Variants in SGCZ observed in about 807,000 individuals in gnomAD.
SGCZ encodes the protein sarcoglycan zeta, also known as zeta-sarcoglycan.
Under a neutral mutation model 41.3 loss-of-function variants are expected in SGCZ, and 40 were observed. That is an observed-to-expected ratio of 0.97 (90% confidence interval 0.75 to 1.26). SGCZ has a LOEUF of 1.26. Among genes scored for constraint, SGCZ ranks in the 50% most tolerant of loss-of-function variants. SGCZ has a pLI of 0.00. For missense variants in SGCZ, 552 were observed against 369.8 expected (o/e 1.49, Z -4.04); for synonymous variants, 206 against 137.5 (o/e 1.50, Z -3.49).
chr8:14,543,739 C>A (rs1391331756), intron 2 of SGCZ, among the ~76,000 whole-genome samples: 1 of 152,068 alleles, frequency 6.6e-6, no homozygotes, highest in Non-Finnish European at 1.5e-5. Context: ...ATTATCACCT[C>A]TCTATAAAAT....
chr8:14,760,445 A>AT (rs1799830791), intron 1 of SGCZ, among the ~76,000 whole-genome samples: 1 of 152,222 alleles, frequency 6.6e-6, no homozygotes, highest in Non-Finnish European at 1.5e-5. Flanking sequence ...ATTGGGGGAA[A>AT]ATATATATCT....
intron 2 of SGCZ, among the ~76,000 whole-genome samples, chr8:14,327,177 T>G (rs1802151314): frequency 6.6e-6 from 1 of 152,192 alleles, no homozygotes; most frequent in Non-Finnish European, 1.5e-5. Context: ...AAGACAGGTT[T>G]ATCACCAGAA....
intron 5 of SGCZ, among the ~76,000 whole-genome samples, chr8:14,141,694 A>T (rs1056644413): frequency 6.6e-6 from 1 of 152,240 alleles, no homozygotes; most frequent in Non-Finnish European, 1.5e-5. Context: ...GTGGAGAAAT[A>T]GGAACACTTT....
chr8:14,122,406 A>C (rs978914473), intron 5 of SGCZ, among the ~76,000 whole-genome samples: 2 of 152,186 alleles, frequency 1.3e-5, no homozygotes, highest in Non-Finnish European at 2.9e-5. Context: ...TTGAACAAAT[A>C]ATTCAATTTC....
intron 4 of SGCZ, among the ~76,000 whole-genome samples, chr8:14,187,588 A>C (rs1416718079): frequency 6.6e-6 from 1 of 152,128 alleles, no homozygotes; most frequent in African/African-American, 2.4e-5. Context: ...AAAATCACTA[A>C]AGTGTTCCAC....
intron 7 of SGCZ, among the ~76,000 whole-genome samples, chr8:14,101,886 T>TTTTG (rs577534887): frequency 0.015 from 2,213 of 151,642 alleles, 21 homozygotes; most frequent in Middle Eastern, 0.037. Flanking sequence ...AAATATGTAC[T>TTTTG]TTTGTTTGTT....
intron 1 of SGCZ, among the ~76,000 whole-genome samples, chr8:15,138,042 C>T (rs2116989429): frequency 6.6e-6 from 1 of 152,278 alleles, no homozygotes; most frequent in South Asian, 2.1e-4. Flanking sequence ...GGCAGAGCTA[C>T]CCAAGGCCAT....
At chr8:14,851,144 C>A (rs1222756561) in intron 1 of SGCZ, among the ~76,000 whole-genome samples, 27 of 151,878 alleles carry the variant, frequency 1.8e-4, no homozygotes. Flanking sequence ...CCAAGGCGGG[C>A]GGATCACGAG....
intron 3 of SGCZ, among the ~76,000 whole-genome samples, chr8:14,257,925 G>C (rs147472487): frequency 0.039 from 5,880 of 152,084 alleles, 157 homozygotes; most frequent in South Asian, 0.065. Flanking sequence ...TAGATATATA[G>C]ACATATCTAC....
chr8:14,209,387 G>A (rs1805722865), intron 4 of SGCZ, among the ~76,000 whole-genome samples: 1 of 151,784 alleles, frequency 6.6e-6, no homozygotes, highest in African/African-American at 2.4e-5. Context: ...CACTCCTTGT[G>A]TGTGTTTTCC....
chr8:14,697,827 C>T (rs1257681768), intron 1 of SGCZ, among the ~76,000 whole-genome samples: 1 of 151,938 alleles, frequency 6.6e-6, no homozygotes, highest in African/African-American at 2.4e-5. Context: ...CAATACTATT[C>T]CCTTAATTCT....
chr8:14,199,629 G>C (rs184791593), intron 4 of SGCZ, among the ~76,000 whole-genome samples: 3 of 152,094 alleles, frequency 2.0e-5, no homozygotes, highest in African/African-American at 7.2e-5. Flanking sequence ...GTCTCCCCCG[G>C]ACACGCAGCT....
chr8:15,087,781 C>A lies in SGCZ; in HGVS notation c.39+149804G>T, dbSNP rs186408074. Among the ~76,000 whole-genome samples the A allele has an allele frequency of 5.9e-5, 9 of 152,138 alleles. No individual in the cohort carries two copies. In the East Asian group the frequency reaches 1.7e-3, roughly 29 times the overall value. On this transcript the variant is annotated intron_variant, in intron 1 of 7. Coordinates refer to ENST00000382080, the MANE Select transcript of SGCZ (RefSeq NM_139167.4). ...TCAAAGAATGAAACAAGAGTCAACTCCTTAAGTTTACTCATAGTATGAAGA... is the reference window on the plus strand; with the variant it reads ...TCAAAGAATGAAACAAGAGTCAACTACTTAAGTTTACTCATAGTATGAAGA...
intron 7 of SGCZ, among the ~76,000 whole-genome samples, chr8:14,094,132 C>A (rs1235858889): frequency 6.6e-6 from 1 of 151,898 alleles, no homozygotes; most frequent in East Asian, 1.9e-4. Flanking sequence ...ATAGAAAAAC[C>A]CTTTTTTTAA....
chr8:14,398,692 A>C (rs1798987776), intron 2 of SGCZ, among the ~76,000 whole-genome samples: 1 of 152,118 alleles, frequency 6.6e-6, no homozygotes, highest in South Asian at 2.1e-4. Context: ...GCTTGTCAGA[A>C]ATTCTTCCTG....
intron 1 of SGCZ, among the ~76,000 whole-genome samples, chr8:14,577,884 C>T (rs1804763273): frequency 6.6e-6 from 1 of 152,124 alleles, no homozygotes; most frequent in African/African-American, 2.4e-5. Context: ...CATGTAAATA[C>T]TCAATAAACA....
intron 5 of SGCZ, among the ~76,000 whole-genome samples, chr8:14,157,117 A>G (rs1803898556): frequency 6.6e-6 from 1 of 151,976 alleles, no homozygotes; most frequent in Non-Finnish European, 1.5e-5. Context: ...CATCATGACA[A>G]ACATATAAGT....
chr8:14,918,464 C>T (rs1799502122), intron 1 of SGCZ, among the ~76,000 whole-genome samples: 1 of 152,016 alleles, frequency 6.6e-6, no homozygotes. Flanking sequence ...TTTTACACAG[C>T]TGTTATATAA....
chr8:14,608,124 G>C (rs1347474627), intron 1 of SGCZ, among the ~76,000 whole-genome samples: 3 of 152,066 alleles, frequency 2.0e-5, no homozygotes, highest in Admixed American at 6.6e-5. Flanking sequence ...AGAACAAAAA[G>C]ATAATTACAA....
Sources: allele counts gnomAD v4.1 joint callset (sites outside exome capture counted in the v4.1 genomes callset), GRCh38; gene constraint gnomAD v4.1.1; transcripts MANE v1.5; gene names NCBI Gene and HGNC (gene_info 2026-07-23, HGNC 2026-07-21).